SH3PXD2A: variants seen among roughly 807,000 people sequenced by gnomAD.
SH3PXD2A encodes the protein SH3 and PX domain-containing protein 2A.
Under a neutral mutation model 115.2 loss-of-function variants are expected in SH3PXD2A, and 32 were observed. That is an observed-to-expected ratio of 0.28 (90% CI 0.21 to 0.37). The LOEUF is 0.37. Among genes scored for constraint, SH3PXD2A ranks in the 10% least tolerant of loss-of-function variants. The probability of loss-of-function intolerance (pLI) is 1.00; values close to 1 mark genes in which losing one functional copy is unlikely to be tolerated. For missense variants in SH3PXD2A, 1,328 were observed against 1,498.7 expected (o/e 0.89, Z 1.88); for synonymous variants, 610 against 629.1 (o/e 0.97, Z 0.45).
At chr10:103,849,082 CACACAGGTGCTCTGGGACA>C (rs1328727368) in intron 1 of SH3PXD2A, among the ~76,000 whole-genome samples, 2 of 150,750 alleles carry the variant, frequency 1.3e-5, no homozygotes, top group Admixed American at 1.3e-4. Flanking sequence ...AGGGATACGG[CACACAGGTGCTCTGGGACA>C]ACACAGCCTC....
At position 103,661,887 on chromosome 10, in the gene SH3PXD2A, C is replaced by T. The variant is rs934285296; in HGVS notation, c.473-773G>A. ...CCCAAGAAGAAAGTCCCCGCGCCAG[C>T]GGCTGGCGAGCCCAGCCCGCCCCCC... On this transcript the variant is annotated intron_variant, in intron 7 of 14. Transcript: ENST00000369774. 1.1e-5 allele frequency: 11 copies of T among 985,172 alleles called. No individual in the cohort carries two copies. In the South Asian group the frequency reaches 1.4e-4, roughly 13 times the overall value. The allele number at this position is 985,172 out of a possible 1,614,324, so 61.0% of individuals were successfully genotyped here. A position where few individuals can be genotyped will look rare whatever the true frequency, so the allele number is the denominator to read the frequency against.
intron 5 of SH3PXD2A, among the ~76,000 whole-genome samples, chr10:103,704,093 C>T (rs934184115): frequency 6.6e-6 from 1 of 152,336 alleles, no homozygotes; most frequent in East Asian, 1.9e-4. Context: ...TGCTCCAGCT[C>T]CACCTGCCAG....
chr10:103,837,573 G>A (rs1175316969), intron 1 of SH3PXD2A, among the ~76,000 whole-genome samples: 1 of 152,220 alleles, frequency 6.6e-6, no homozygotes, highest in Admixed American at 6.5e-5. Context: ...GACAGGTGAG[G>A]TGGGGAGCTG....
Position 103,613,055 on chromosome 10 carries a change from G to T in SH3PXD2A, c.1056C>A (p.Asn352Lys). The stretch of plus-strand genomic sequence containing the variant: ...TTTCCTTGTCCCCAGACGCCTTCTT[G>T]TTCAGCAGGTTGCTGATCTCCATGA... ...GNIMEISNLL[N>K]KKASGDKETP... is the part of the protein sequence containing the mutation. The change falls in exon 12 of 15, where the codon AAC becomes AAA. Residue 352 changes from asparagine (N) to lysine (K), a missense_variant. Asn to Lys is a moderately conservative substitution (Grantham distance 94, BLOSUM62 0). This residue lies in a region of SH3PXD2A where 509 missense variants were observed against 628.3 expected (regional missense o/e 0.81). Coordinates refer to ENST00000369774, the MANE Select transcript of SH3PXD2A (RefSeq NM_001394015.1). 6.2e-7 allele frequency: 1 copy of T among 1,614,248 alleles called. No homozygotes were observed. The highest frequency in any genetic ancestry group is 8.5e-7 in the Non-Finnish European group (1 of 1,180,042).
chr10:103,744,930 T>C (rs983654352), intron 3 of SH3PXD2A, among the ~76,000 whole-genome samples: 10 of 152,216 alleles, frequency 6.6e-5, no homozygotes, highest in African/African-American at 2.4e-4. Context: ...CGATTTTCTT[T>C]TGGGAAACAA....
chr10:103,855,290 C>A lies in SH3PXD2A; in HGVS notation c.-24G>T, dbSNP rs369089593. 1,177 of 1,494,532 alleles carry A rather than the reference C, an allele frequency of 7.9e-4. 9 individuals carry two copies. In the African/African-American group the frequency reaches 0.012, roughly 15 times the overall value. The allele number at this position is 1,494,532 out of a possible 1,614,324, so 92.6% of individuals were successfully genotyped here. Reference sequence around the variant, plus strand: ...ATCTTCCCCCACAAAGCGAGTGGCGCCCCCGGCGGCGTCACCTTCTCATCC... The same window carrying A: ...ATCTTCCCCCACAAAGCGAGTGGCGACCCCGGCGGCGTCACCTTCTCATCC... On this transcript the variant is annotated 5_prime_UTR_variant, in exon 1 of 15. Coordinates refer to ENST00000369774, the MANE Select transcript of SH3PXD2A (RefSeq NM_001394015.1).
chr10:103,691,901 G>A (rs866365022), intron 6 of SH3PXD2A, among the ~76,000 whole-genome samples: 159 of 152,196 alleles, frequency 1.0e-3, no homozygotes, highest in African/African-American at 3.5e-3. Flanking sequence ...ATAGGCACGT[G>A]AGCAAGCACT....
Position 103,598,223 on chromosome 10 carries a change from A to G in SH3PXD2A, c.*3593T>C, listed in dbSNP as rs2036161919. On this transcript the variant is annotated 3_prime_UTR_variant, in exon 15 of 15. Coordinates refer to ENST00000369774, the MANE Select transcript of SH3PXD2A (RefSeq NM_001394015.1). ...TGAGGCCTGGCAAGACAGCCCGTCT[A>G]CAGTCATTGGACATAGGGGAAACCC... The G allele has an allele frequency of 6.5e-6, 1 of 152,782 alleles. No individual in the cohort carries two copies. The highest frequency in any genetic ancestry group is 1.9e-4 in the East Asian group (1 of 5,188). The allele number at this position is 152,782 out of a possible 1,614,324, so 9.5% of individuals were successfully genotyped here. A position where few individuals can be genotyped will look rare whatever the true frequency, so the allele number is the denominator to read the frequency against.
chr10:103,796,528 A>G (rs1238277118), intron 2 of SH3PXD2A, among the ~76,000 whole-genome samples: 1 of 152,024 alleles, frequency 6.6e-6, no homozygotes, highest in Non-Finnish European at 1.5e-5. Context: ...AGTGGACTTA[A>G]CTGTTTCCAA....
chr10:103,838,283 G>T (rs2134313712), intron 1 of SH3PXD2A, among the ~76,000 whole-genome samples: 1 of 152,336 alleles, frequency 6.6e-6, no homozygotes, highest in East Asian at 1.9e-4. Flanking sequence ...TGCAAATCAT[G>T]GCAGCAACAT....
At chr10:103,755,844 G>A (rs1326466097) in intron 3 of SH3PXD2A, among the ~76,000 whole-genome samples, 1 of 152,132 alleles carries the variant, frequency 6.6e-6, no homozygotes, top group African/African-American at 2.4e-5. Context: ...CTCCTGTTTG[G>A]GCCTGGGGAG....
chr10:103,606,651 T>G (rs1402260417), intron 13 of SH3PXD2A, among the ~76,000 whole-genome samples: 1 of 151,992 alleles, frequency 6.6e-6, no homozygotes, highest in Non-Finnish European at 1.5e-5. Flanking sequence ...CGCGCCGCCA[T>G]GCCTGACTGG....
chr10:103,661,248 G>A, intron 7 of SH3PXD2A, 134 bp from the exon 8 acceptor site: 2 of 1,066,912 alleles, frequency 1.9e-6, no homozygotes, highest in South Asian at 1.7e-5. Flanking sequence ...GCCCGCAGCC[G>A]GGGCTCGCAG....
intron 3 of SH3PXD2A, among the ~76,000 whole-genome samples, chr10:103,747,422 C>T (rs1422516071): frequency 2.0e-5 from 3 of 152,182 alleles, no homozygotes; most frequent in Non-Finnish European, 4.4e-5. Flanking sequence ...TGTGCAGCCT[C>T]GGCTCCTCCC....
At chr10:103,727,582 G>C (rs1380151784) in intron 4 of SH3PXD2A, among the ~76,000 whole-genome samples, 4 of 152,188 alleles carry the variant, frequency 2.6e-5, no homozygotes, top group Non-Finnish European at 1.5e-5. Flanking sequence ...CACAGCACTA[G>C]TGCCCTCCCC....
chr10:103,708,219 A>G (rs953551984), intron 5 of SH3PXD2A, among the ~76,000 whole-genome samples: 1 of 152,264 alleles, frequency 6.6e-6, no homozygotes, highest in South Asian at 2.1e-4. Flanking sequence ...CCTTGAGTGA[A>G]TCACAGTCCT....
chr10:103,654,604 A>G lies in SH3PXD2A; in HGVS notation c.604+6379T>C, dbSNP rs539663587. 6.6e-5 allele frequency among the ~76,000 whole-genome samples: 10 copies of G among 152,218 alleles called. 1 individual carries two copies. The South Asian group carries it at 2.1e-3, about 32-fold the overall frequency. On this transcript the variant is annotated intron_variant, in intron 8 of 14. Coordinates refer to ENST00000369774, the MANE Select transcript of SH3PXD2A (RefSeq NM_001394015.1). ...ATTATTATTACTATTATTTGTAGAGACAGGGCCTCACTATGCTGCCCAGGC... is the reference window on the plus strand; with the variant it reads ...ATTATTATTACTATTATTTGTAGAGGCAGGGCCTCACTATGCTGCCCAGGC...
At chr10:103,720,902 G>A (rs1399624710) in intron 5 of SH3PXD2A, among the ~76,000 whole-genome samples, 3 of 152,174 alleles carry the variant, frequency 2.0e-5, no homozygotes, top group Admixed American at 6.5e-5. Flanking sequence ...GGCCGGGCCC[G>A]GGGAGGGGGA....
chr10:103,649,091 G>A (rs1307865787), intron 8 of SH3PXD2A, among the ~76,000 whole-genome samples: 1 of 152,148 alleles, frequency 6.6e-6, no homozygotes, highest in African/African-American at 2.4e-5. Flanking sequence ...AATTCCCCTC[G>A]CCTGCTCCCT....
Sources: allele counts gnomAD v4.1 joint callset (sites outside exome capture counted in the v4.1 genomes callset), GRCh38; gene constraint gnomAD v4.1.1; regional missense constraint gnomAD v4.1.1; transcripts MANE v1.5; gene names NCBI Gene and HGNC (gene_info 2026-07-23, HGNC 2026-07-21).